EPHA6: variants seen among roughly 807,000 people sequenced by gnomAD.
EPHA6 encodes EPH receptor A6.
EPHA6 carries 50 observed loss-of-function variants against 112.0 expected under a neutral mutation model. The observed-to-expected ratio is 0.45, with a 90% CI of 0.36 to 0.56. EPHA6 has a LOEUF of 0.56. Among genes scored for constraint, EPHA6 ranks in the 20% least tolerant of loss-of-function variants. EPHA6 has a pLI of 0.00. For synonymous variants in EPHA6, 529 were observed against 490.7 expected (o/e 1.08, Z -1.03); for missense variants, 1,280 against 1,417.4 (o/e 0.90, Z 1.56).
At chr3:96,969,089 C>G (rs1249359427) in intron 2 of EPHA6, among the ~76,000 whole-genome samples, 1 of 151,792 alleles carries the variant, frequency 6.6e-6, no homozygotes, top group African/African-American at 2.4e-5. Flanking sequence ...TAAAACAACT[C>G]TTCTAACTTC....
intron 5 of EPHA6, among the ~76,000 whole-genome samples, chr3:97,325,718 T>C (rs1365101570): frequency 6.6e-6 from 1 of 152,166 alleles, no homozygotes; most frequent in Admixed American, 6.6e-5. Context: ...TCATCTACTT[T>C]TGTTAACGAA....
At chr3:97,399,537 A>G (rs2086870435) in intron 5 of EPHA6, among the ~76,000 whole-genome samples, 1 of 151,560 alleles carries the variant, frequency 6.6e-6, no homozygotes, top group African/African-American at 2.4e-5. Context: ...GACTGCACTA[A>G]TTTACATTCC....
At chr3:97,409,760 CTG>C (rs969383494) in intron 6 of EPHA6, among the ~76,000 whole-genome samples, 32 of 152,198 alleles carry the variant, frequency 2.1e-4, no homozygotes, top group African/African-American at 7.5e-4. Flanking sequence ...TTTTAAGACA[CTG>C]TGACTGTTAA....
chr3:97,405,954 A>G, intron 6 of EPHA6, among the ~76,000 whole-genome samples: 1 of 152,046 alleles, frequency 6.6e-6, no homozygotes, highest in South Asian at 2.1e-4. Context: ...CCATTATGAT[A>G]TTCTTGGCAT....
intron 6 of EPHA6, among the ~76,000 whole-genome samples, chr3:97,431,686 T>C (rs2089518223): frequency 6.6e-6 from 1 of 152,092 alleles, no homozygotes; most frequent in Admixed American, 6.6e-5. Flanking sequence ...TTCCTCCTAT[T>C]TATTGAATTA....
intron 7 of EPHA6, among the ~76,000 whole-genome samples, chr3:97,474,744 T>C (rs887105741): frequency 6.6e-6 from 1 of 152,028 alleles, no homozygotes; most frequent in East Asian, 1.9e-4. Flanking sequence ...TGCTACCATA[T>C]ATAATCTGGT....
rs67777487 is a variant in EPHA6 at position 97,085,928 on chromosome 3, CATAT to C, written c.1114+97953_1114+97956del. On this transcript the variant is annotated intron_variant, in intron 3 of 17. Coordinates refer to ENST00000389672, the MANE Select transcript of EPHA6 (RefSeq NM_001080448.3). ...TTGTGAGCTTTTATATATATGATGTCATATATATATATATATATATACACACTGA... is the reference window on the plus strand; with the variant it reads ...TTGTGAGCTTTTATATATATGATGTCATATATATATATATATACACACTGA... Among the ~76,000 whole-genome samples, 246 of 119,430 alleles carry C rather than the reference CATAT, an allele frequency of 2.1e-3. 21 individuals carry two copies. The highest frequency in any genetic ancestry group is 0.01 in the African/African-American group (229 of 22,342). The allele number at this position is 119,430 out of a possible 152,430, so 78.4% of individuals were successfully genotyped here. A position where few individuals can be genotyped will look rare whatever the true frequency, so the allele number is the denominator to read the frequency against.
At chr3:97,317,910 A>G (rs1559877053) in intron 5 of EPHA6, among the ~76,000 whole-genome samples, 1 of 151,976 alleles carries the variant, frequency 6.6e-6, no homozygotes, top group Non-Finnish European at 1.5e-5. Flanking sequence ...GTTAAGTGGA[A>G]AGGGGACTAG....
chr3:97,335,259 A>ATC (rs371584309), intron 5 of EPHA6, among the ~76,000 whole-genome samples: 88 of 151,930 alleles, frequency 5.8e-4, no homozygotes, highest in African/African-American at 2.1e-3. Flanking sequence ...GTCTCTAGAT[A>ATC]TCTCTCTCTC....
chr3:97,746,234 C>T (rs2035709906), intron 16 of EPHA6, among the ~76,000 whole-genome samples: 2 of 151,816 alleles, frequency 1.3e-5, no homozygotes, highest in East Asian at 3.9e-4. Flanking sequence ...TTTTTCATTA[C>T]TTACAACATA....
intron 13 of EPHA6, among the ~76,000 whole-genome samples, chr3:97,619,775 A>G (rs748541750): frequency 2.0e-5 from 3 of 152,166 alleles, no homozygotes; most frequent in Non-Finnish European, 2.9e-5. Context: ...GCTGACACAA[A>G]CAAATGGAAA....
intron 5 of EPHA6, among the ~76,000 whole-genome samples, chr3:97,398,424 A>T (rs768921829): frequency 2.0e-5 from 3 of 151,524 alleles, no homozygotes; most frequent in Non-Finnish European, 4.4e-5. Context: ...AGCTTCCAAC[A>T]GGGACAAATT....
At chr3:96,945,001 T>G (rs1035799072) in intron 2 of EPHA6, among the ~76,000 whole-genome samples, 1 of 152,180 alleles carries the variant, frequency 6.6e-6, no homozygotes, top group African/African-American at 2.4e-5. Context: ...CGGTCTGTGT[T>G]TCTTCTACAG....
At chr3:97,199,037 C>A (rs1005801574) in intron 3 of EPHA6, among the ~76,000 whole-genome samples, 10 of 151,992 alleles carry the variant, frequency 6.6e-5, no homozygotes, top group African/African-American at 1.7e-4. Context: ...GTGAACTGGC[C>A]AAATAGAACA....
At chr3:97,162,575 TG>T (rs2076440242) in intron 3 of EPHA6, among the ~76,000 whole-genome samples, 1 of 152,188 alleles carries the variant, frequency 6.6e-6, no homozygotes, top group Non-Finnish European at 1.5e-5. Context: ...CAGTAGTCCC[TG>T]GAAGATCGGA....
chr3:97,063,725 A>G (rs1001646002), intron 3 of EPHA6, among the ~76,000 whole-genome samples: 5 of 152,132 alleles, frequency 3.3e-5, no homozygotes, highest in African/African-American at 9.7e-5. Flanking sequence ...AATATAAAAG[A>G]AAGGACAGGA....
rs1197819457 is a variant in EPHA6 at position 97,758,551 on chromosome 3, G to C, written c.*9850G>C. On this transcript the variant is annotated 3_prime_UTR_variant, in exon 18 of 18. Transcript: ENST00000389672. ...CCTGTTCGAAGCACTGAGGATACAT[G>C]GTGACCAAGACAAGCAAAGTCCCTG... Among the ~76,000 whole-genome samples the C allele has an allele frequency of 6.6e-6, 1 of 151,798 alleles. No homozygotes were observed. The highest frequency in any genetic ancestry group is 1.5e-5 in the Non-Finnish European group (1 of 67,860).
intron 2 of EPHA6, among the ~76,000 whole-genome samples, chr3:96,889,234 C>T (rs1375894563): frequency 6.6e-6 from 1 of 152,182 alleles, no homozygotes; most frequent in African/African-American, 2.4e-5. Context: ...CTTCTGAGCC[C>T]TCCAAACTGT....
At chr3:97,412,583 T>C (rs942293055) in intron 6 of EPHA6, among the ~76,000 whole-genome samples, 1 of 151,970 alleles carries the variant, frequency 6.6e-6, no homozygotes, top group African/African-American at 2.4e-5. Context: ...AAAAATCAAA[T>C]AAGACTAAGG....
Sources: allele counts gnomAD v4.1 joint callset (sites outside exome capture counted in the v4.1 genomes callset), GRCh38; gene constraint gnomAD v4.1.1; transcripts MANE v1.5; gene names NCBI Gene and HGNC (gene_info 2026-07-23, HGNC 2026-07-21).